Variants in KCNMA1 observed in about 807,000 individuals in gnomAD.
KCNMA1 encodes the protein Calcium-activated potassium channel subunit alpha-1.
KCNMA1 carries 29 observed loss-of-function variants against 140.0 expected under a neutral mutation model. The ratio of observed to expected loss-of-function variants is 0.21; its 90% CI spans 0.15 to 0.28. KCNMA1 has a LOEUF of 0.28. Ranked by LOEUF, KCNMA1 falls within the 10% of genes least tolerant of loss-of-function variation. The probability of loss-of-function intolerance (pLI) is 1.00; values close to 1 mark genes in which losing one functional copy is unlikely to be tolerated. For synonymous variants in KCNMA1, 612 were observed against 611.9 expected, an observed-to-expected ratio of 1.00 and a Z score of 0.00; for missense variants, 880 against 1,602.2, an observed-to-expected ratio of 0.55 and a Z score of 7.70.
intron 1 of KCNMA1, among the ~76,000 whole-genome samples, chr10:77,563,062 C>CAAA (rs35283320): frequency 1.0e-3 from 148 of 147,954 alleles, no homozygotes; most frequent in African/African-American, 3.4e-3. Context: ...GAGACTTGAG[C>CAAA]AAAAAAAAAA....
chr10:77,261,956 A>T (rs1222580589), intron 2 of KCNMA1, among the ~76,000 whole-genome samples: 1 of 152,182 alleles, frequency 6.6e-6, no homozygotes, highest in Admixed American at 6.5e-5. Context: ...GGTTTATGAG[A>T]TGAGAAATCT....
chr10:77,188,041 T>C (rs924012532), intron 3 of KCNMA1, among the ~76,000 whole-genome samples: 1 of 152,196 alleles, frequency 6.6e-6, no homozygotes. Flanking sequence ...TTCATCTTAA[T>C]GATTAATGCA....
chr10:77,336,424 C>A (rs1246515800), intron 2 of KCNMA1, among the ~76,000 whole-genome samples: 3 of 136,870 alleles, frequency 2.2e-5, no homozygotes, highest in Admixed American at 1.5e-4. Flanking sequence ...AAAATTAACT[C>A]AATGCTTAAA....
chr10:77,075,951 C>A (rs1390601957), intron 13 of KCNMA1, among the ~76,000 whole-genome samples: 1 of 152,206 alleles, frequency 6.6e-6, no homozygotes, highest in Non-Finnish European at 1.5e-5. Context: ...AAGAGCAGGT[C>A]TGGCAGACCT....
chr10:77,357,595 C>G (rs2093605936), intron 2 of KCNMA1, among the ~76,000 whole-genome samples: 1 of 152,174 alleles, frequency 6.6e-6, no homozygotes, highest in Non-Finnish European at 1.5e-5. Flanking sequence ...GTGTATCTAG[C>G]AAAGCTTTCT....
intron 15 of KCNMA1, among the ~76,000 whole-genome samples, chr10:77,030,568 G>A (rs2093859418): frequency 6.6e-6 from 1 of 152,130 alleles, no homozygotes; most frequent in South Asian, 2.1e-4. Flanking sequence ...GGTAGTTCAT[G>A]GGATCAAAGA....
intron 2 of KCNMA1, among the ~76,000 whole-genome samples, chr10:77,380,309 T>C (rs1336940050): frequency 6.6e-6 from 1 of 152,118 alleles, no homozygotes; most frequent in Non-Finnish European, 1.5e-5. Flanking sequence ...GCCCTCCAGC[T>C]CAAGGGGCCT....
chr10:77,604,678 C>T (rs2083779124), intron 1 of KCNMA1, among the ~76,000 whole-genome samples: 1 of 152,058 alleles, frequency 6.6e-6, no homozygotes, highest in Admixed American at 6.6e-5. Flanking sequence ...CAGAGCAAAA[C>T]CCCATCCCCC....
chr10:77,544,988 A>C (rs1055106449), intron 1 of KCNMA1, among the ~76,000 whole-genome samples: 6 of 152,184 alleles, frequency 3.9e-5, no homozygotes, highest in Non-Finnish European at 1.5e-5. Context: ...TTCCTCCCCA[A>C]GTGATCCTTC....
At chr10:77,362,365 C>CCCCACA (rs1555238717) in intron 2 of KCNMA1, among the ~76,000 whole-genome samples, 1 of 119,048 alleles carries the variant, frequency 8.4e-6, no homozygotes, top group Non-Finnish European at 1.7e-5. Flanking sequence ...CCCCCCCACC[C>CCCCACA]CACACACACA....
chr10:76,887,269 A>C lies in KCNMA1; in HGVS notation c.3708T>G (p.Leu1236=). ...ACAGTGGCGGTGGATACACATATCA[A>C]AGCCGCTCTTCCTGCACGTACTTCT... is the stretch of plus-strand genomic sequence containing the variant. ...DKQKYVQEER[L] The change falls in exon 28 of 28, where the codon CTT becomes CTG. Residue 1236 remains leucine (L), a synonymous_variant. Transcript: ENST00000286628. 1.2e-6 allele frequency: 2 copies of C among 1,614,156 alleles called. No homozygotes were observed. Among genetic ancestry groups the C allele is most frequent in the Non-Finnish European group, 1.7e-6 (2 of 1,180,026 alleles).
intron 1 of KCNMA1, among the ~76,000 whole-genome samples, chr10:77,631,278 T>C (rs940806422): frequency 2.0e-5 from 3 of 152,220 alleles, no homozygotes; most frequent in Non-Finnish European, 4.4e-5. Flanking sequence ...AGGTGCCTAA[T>C]GCGTGGGGTT....
At chr10:77,252,240 A>G (rs2059795400) in intron 2 of KCNMA1, among the ~76,000 whole-genome samples, 1 of 152,204 alleles carries the variant, frequency 6.6e-6, no homozygotes, top group South Asian at 2.1e-4. Context: ...ACTTTCTTTA[A>G]TCTTTCACAG....
chr10:77,627,724 A>G (rs1032777937), intron 1 of KCNMA1, among the ~76,000 whole-genome samples: 2 of 152,172 alleles, frequency 1.3e-5, no homozygotes, highest in Non-Finnish European at 2.9e-5. Flanking sequence ...CCAGACACAG[A>G]CTAGAAGCAA....
chr10:77,313,731 G>C (rs145847331), intron 2 of KCNMA1, among the ~76,000 whole-genome samples: 6 of 152,320 alleles, frequency 3.9e-5, no homozygotes, highest in African/African-American at 1.4e-4. Context: ...CACATGGTAA[G>C]TAATGAACGG....
At chr10:76,920,181 C>T (rs1244703599) in intron 23 of KCNMA1, among the ~76,000 whole-genome samples, 1 of 150,816 alleles carries the variant, frequency 6.6e-6, no homozygotes, top group Non-Finnish European at 1.5e-5. Flanking sequence ...GAGAAAGGCT[C>T]AATGGCATTG....
intron 19 of KCNMA1, among the ~76,000 whole-genome samples, chr10:76,986,501 C>T (rs1268673560): frequency 2.0e-5 from 3 of 152,196 alleles, no homozygotes; most frequent in Non-Finnish European, 4.4e-5. Flanking sequence ...CTACCACTCA[C>T]TCTGGAGAGA....
At chr10:77,295,328 C>G (rs1209451480) in intron 2 of KCNMA1, among the ~76,000 whole-genome samples, 1 of 149,206 alleles carries the variant, frequency 6.7e-6, no homozygotes, top group Non-Finnish European at 1.5e-5. Flanking sequence ...GCCTGGACAA[C>G]AAGAGTGAAA....
At chr10:77,122,490 C>T (rs183162717) in intron 5 of KCNMA1, among the ~76,000 whole-genome samples, 164 of 151,834 alleles carry the variant, frequency 1.1e-3, no homozygotes, top group African/African-American at 3.9e-3. Flanking sequence ...CGCTGAAAAC[C>T]GACCACGGCG....
Sources: allele counts gnomAD v4.1 joint callset (sites outside exome capture counted in the v4.1 genomes callset), GRCh38; gene constraint gnomAD v4.1.1; transcripts MANE v1.5; gene names NCBI Gene and HGNC (gene_info 2026-07-23, HGNC 2026-07-21).